The following MYO1E variants were observed in gnomAD, a reference collection of about 807,000 sequenced individuals.
MYO1E encodes the protein myosin IE, also known as unconventional myosin-Ie.
In MYO1E, 68 loss-of-function variants were observed where a neutral mutation model predicts 151.1. That is an observed-to-expected ratio of 0.45 (90% CI 0.37 to 0.55). MYO1E has a LOEUF of 0.55. Among genes scored for constraint, MYO1E ranks in the 20% least tolerant of loss-of-function variants. MYO1E has a pLI of 0.00. For missense variants in MYO1E, 1,363 were observed against 1,389.3 expected, an observed-to-expected ratio of 0.98 and a Z score of 0.30; for synonymous variants, 601 against 501.7, an observed-to-expected ratio of 1.20 and a Z score of -2.64.
chr15:59,223,291 T>A (rs1242787020), intron 8 of MYO1E, 100 bp from the exon 9 acceptor site: 6 of 1,409,182 alleles, frequency 4.3e-6, no homozygotes, highest in Non-Finnish European at 5.0e-6. Context: ...AATAAGGATG[T>A]GACAAGTACA....
Position 59,344,847 on chromosome 15 carries a change from A to G in MYO1E, c.3+27651T>C, listed in dbSNP as rs780540036. Among the ~76,000 whole-genome samples, 153 of 152,320 alleles carry G rather than the reference A, an allele frequency of 1.0e-3. 3 individuals are homozygous for G. The highest frequency in any genetic ancestry group is 3.4e-3 in the Middle Eastern group (1 of 294). On this transcript the variant is annotated intron_variant, in intron 1 of 27. Transcript: ENST00000288235. The stretch of plus-strand genomic sequence containing the variant: ...AGCATAATATTTAGATTCAATAAAT[A>G]CAAGCAGCCATTAGCCAGTCAATAG...
rs56164138 is a variant in MYO1E at position 59,236,369 on chromosome 15, TACACACAC to T, written c.420+208_420+215del. On this transcript the variant is annotated intron_variant, in intron 5 of 27. Coordinates refer to ENST00000288235, the MANE Select transcript of MYO1E (RefSeq NM_004998.4). ...TCAAAAAAGAAAAAAAAAAAATATA[TACACACAC>T]ACACACACACACACACACACACACA... Among the ~76,000 whole-genome samples, 7,872 of 117,614 alleles carry T rather than the reference TACACACAC, an allele frequency of 0.067. 527 individuals carry two copies. The highest frequency in any genetic ancestry group is 0.1 in the African/African-American group (3,223 of 30,904). 77.2% of individuals were successfully genotyped at this position (117,614 alleles called of 152,430 possible).
intron 1 of MYO1E, among the ~76,000 whole-genome samples, chr15:59,309,812 G>C (rs2080538494): frequency 6.6e-6 from 1 of 152,158 alleles, no homozygotes; most frequent in Non-Finnish European, 1.5e-5. Flanking sequence ...CATAACTTAA[G>C]TGGGTAGAGA....
At chr15:59,244,272 GCAGT>G (rs1472725006) in intron 4 of MYO1E, among the ~76,000 whole-genome samples, 1 of 152,246 alleles carries the variant, frequency 6.6e-6, no homozygotes, top group Non-Finnish European at 1.5e-5. Flanking sequence ...CCAGCCTGAT[GCAGT>G]CAGAGGAACC....
intron 19 of MYO1E, 145 bp from the exon 20 acceptor site, chr15:59,174,385 A>C (rs1039262729): frequency 1.0e-5 from 7 of 692,594 alleles, no homozygotes; most frequent in African/African-American, 3.6e-5. Context: ...AATATGTGAA[A>C]CGCTTACTGT....
rs760197448 is a variant in MYO1E, at chr15:59,224,726, T to A, written c.740A>T (p.Asp247Val). 35 of 1,614,116 alleles carry A rather than the reference T, an allele frequency of 2.2e-5. No individual in the cohort carries two copies. Among genetic ancestry groups the A allele is most frequent in the Non-Finnish European group, 1.7e-6 (2 of 1,180,052 alleles). ...AAACTCCCGCCTGTCGTCAATGTCA[T>A]CAACCTTGTATGAGCCCGAGAGGCT... ...YLSLSGSYKVDDIDDRREFQE... is the reference protein window; with the variant it reads ...YLSLSGSYKVVDIDDRREFQE... Residue 247 changes from aspartate to valine, a missense_variant, in exon 8 of 28, where the codon GAT becomes GTT. By Grantham distance (152) the Asp-to-Val change is radical. Coordinates refer to ENST00000288235, the MANE Select transcript of MYO1E (RefSeq NM_004998.4).
At chr15:59,272,613 T>C (rs1483228401) in intron 1 of MYO1E, among the ~76,000 whole-genome samples, 164 bp from the exon 2 acceptor site, 1 of 152,232 alleles carries the variant, frequency 6.6e-6, no homozygotes, top group Non-Finnish European at 1.5e-5. Context: ...AAGTTCCAGC[T>C]TTGCTACCTA....
chr15:59,372,387 C>T (rs530611339), intron 1 of MYO1E, 111 bp downstream of exon 1: 8 of 1,340,612 alleles, frequency 6.0e-6, no homozygotes, highest in East Asian at 2.5e-5. Context: ...CTCCCGCGTC[C>T]ACCTTCTCCA....
chr15:59,203,411 C>T (rs187316706), intron 15 of MYO1E, among the ~76,000 whole-genome samples: 4 of 148,636 alleles, frequency 2.7e-5, no homozygotes, highest in Admixed American at 1.4e-4. Context: ...GATGGAGTCT[C>T]GCTCTGTCAC....
At chr15:59,176,933 G>A (rs1338115625) in intron 19 of MYO1E, among the ~76,000 whole-genome samples, 7 of 152,100 alleles carry the variant, frequency 4.6e-5, no homozygotes, top group Non-Finnish European at 7.4e-5. Flanking sequence ...GTAAGGCAAG[G>A]AAAAGGACAG....
At chr15:59,175,434 C>T (rs2079618910) in intron 19 of MYO1E, among the ~76,000 whole-genome samples, 1 of 152,178 alleles carries the variant, frequency 6.6e-6, no homozygotes, top group South Asian at 2.1e-4. Context: ...CGGGTGCATG[C>T]TTGGGAGACA....
chr15:59,193,034 AAC>A (rs2079743427), intron 17 of MYO1E, among the ~76,000 whole-genome samples: 2 of 105,774 alleles, frequency 1.9e-5, no homozygotes, highest in Non-Finnish European at 3.6e-5. Context: ...GTCTCGCTCT[AAC>A]AACTTAGTGA....
chr15:59,178,550 T>C lies in MYO1E; in HGVS notation c.1905-13A>G. ...CAGAATGGCATACCTGTGGGGACAT[T>C]GGGGAGAAGAGAATCACACTTGGGC... On this transcript the variant is annotated splice_polypyrimidine_tract_variant and intron_variant, in intron 18 of 27. Transcript: ENST00000288235. 6 of 1,613,614 alleles carry C rather than the reference T, an allele frequency of 3.7e-6. No individual in the cohort carries two copies. Among genetic ancestry groups the C allele is most frequent in the Non-Finnish European group, 5.1e-6 (6 of 1,179,648 alleles).
chr15:59,245,688 A>C (rs1596382909), intron 4 of MYO1E, among the ~76,000 whole-genome samples: 1 of 152,186 alleles, frequency 6.6e-6, no homozygotes, highest in Non-Finnish European at 1.5e-5. Flanking sequence ...AAACAGCCTA[A>C]GGTGCAAGAG....
chr15:59,258,207 C>A (rs1364229365), intron 3 of MYO1E, among the ~76,000 whole-genome samples: 1 of 152,122 alleles, frequency 6.6e-6, no homozygotes, highest in Non-Finnish European at 1.5e-5. Flanking sequence ...ATTAGCCAGG[C>A]GTGTTGGCAG....
chr15:59,257,521 C>T (rs2080200536), intron 3 of MYO1E, among the ~76,000 whole-genome samples: 1 of 152,206 alleles, frequency 6.6e-6, no homozygotes, highest in Non-Finnish European at 1.5e-5. Context: ...TGAAGCTTAA[C>T]GTACTTAATC....
At chr15:59,298,853 A>G (rs1332617990) in intron 1 of MYO1E, among the ~76,000 whole-genome samples, 1 of 152,246 alleles carries the variant, frequency 6.6e-6, no homozygotes, top group African/African-American at 2.4e-5. Flanking sequence ...GATTCCCGCC[A>G]TTCTTGTTTC....
chr15:59,229,134 C>T (rs1398987993), intron 6 of MYO1E, among the ~76,000 whole-genome samples: 1 of 152,206 alleles, frequency 6.6e-6, no homozygotes, highest in Non-Finnish European at 1.5e-5. Flanking sequence ...GCCTGTCCCC[C>T]ATTCCTCAAC....
At position 59,207,891 on chromosome 15, in the gene MYO1E, G is replaced by A. The variant is rs377398613; in HGVS notation, c.1530+790C>T. On this transcript the variant is annotated intron_variant, in intron 14 of 27. Coordinates refer to ENST00000288235, the MANE Select transcript of MYO1E (RefSeq NM_004998.4). The stretch of plus-strand genomic sequence containing the variant: ...CAGAAAGTATTTTGAAGAATCTTAG[G>A]AGAATACATCCAGTTTCCACCATAA... 12 of 1,614,160 alleles carry A rather than the reference G, an allele frequency of 7.4e-6. No individual in the cohort carries two copies. The African/African-American group carries it at 1.3e-4, about 18-fold the overall frequency.
Sources: gnomAD v4.1 joint callset for allele counts (sites outside exome capture counted in the v4.1 genomes callset) on GRCh38, gnomAD v4.1.1 for gene constraint, MANE v1.5 for transcripts, NCBI Gene and HGNC (gene_info 2026-07-23, HGNC 2026-07-21) for gene names.